ZNF804B: variants seen among roughly 807,000 people sequenced by gnomAD.
ZNF804B encodes the protein zinc finger protein 804B.
ZNF804B carries 80 observed loss-of-function variants against 101.4 expected under a neutral mutation model. The observed-to-expected ratio is 0.79, with a 90% CI of 0.66 to 0.95. The LOEUF is 0.95. ZNF804B is among the 40% of genes least tolerant of loss of function. The pLI is 0.00. For synonymous variants in ZNF804B, 622 were observed against 558.8 expected (o/e 1.11, Z -1.59); for missense variants, 1,673 against 1,561.9 (o/e 1.07, Z -1.20).
rs144025348 is a variant in ZNF804B, at chr7:89,217,531, T to C, written c.109-624T>C. On this transcript the variant is annotated intron_variant, in intron 1 of 3. Transcript: ENST00000333190. ...CACTATTATTCTATAATCAAAGAGATTCTATAATCAAAAGAGGATTTTAAG... is the reference window on the plus strand; with the variant it reads ...CACTATTATTCTATAATCAAAGAGACTCTATAATCAAAAGAGGATTTTAAG... 1.7e-3 allele frequency among the ~76,000 whole-genome samples: 258 copies of C among 152,308 alleles called. 2 individuals carry two copies. Among genetic ancestry groups the C allele is most frequent in the African/African-American group, 5.7e-3 (239 of 41,588 alleles).
chr7:89,236,423 G>C (rs1433051879), intron 2 of ZNF804B, among the ~76,000 whole-genome samples: 2 of 152,052 alleles, frequency 1.3e-5, no homozygotes, highest in Non-Finnish European at 2.9e-5. Context: ...ATTAAAATAA[G>C]AGAAAATAAG....
Position 89,215,611 on chromosome 7 carries a change from C to T in ZNF804B, c.109-2544C>T, listed in dbSNP as rs1042512825. Among the ~76,000 whole-genome samples the T allele has an allele frequency of 6.0e-5, 9 of 151,176 alleles. 1 individual carries two copies. The South Asian group carries it at 8.4e-4, about 14-fold the overall frequency. On this transcript the variant is annotated intron_variant, in intron 1 of 3. Transcript: ENST00000333190. ...AGAAGAACTATGATTAGGCCGGGGGCGGTGGCTCGCGCCTGTAATCCTAGC... is the reference window on the plus strand; with the variant it reads ...AGAAGAACTATGATTAGGCCGGGGGTGGTGGCTCGCGCCTGTAATCCTAGC...
At chr7:88,879,700 AT>A (rs1243593651) in intron 1 of ZNF804B, among the ~76,000 whole-genome samples, 1 of 152,092 alleles carries the variant, frequency 6.6e-6, no homozygotes, top group East Asian at 1.9e-4. Context: ...TGGAAATTCA[AT>A]TTTTAAAGCT....
intron 1 of ZNF804B, among the ~76,000 whole-genome samples, chr7:88,813,546 T>C (rs1409011828): frequency 6.6e-6 from 1 of 152,198 alleles, no homozygotes; most frequent in Non-Finnish European, 1.5e-5. Flanking sequence ...TGTTTTTACA[T>C]GGCATCAATT....
At chr7:88,765,740 G>T (rs896894993) in intron 1 of ZNF804B, among the ~76,000 whole-genome samples, 4 of 152,082 alleles carry the variant, frequency 2.6e-5, no homozygotes, top group Non-Finnish European at 5.9e-5. Context: ...AGCTGAAAAA[G>T]CCTTTTGTAG....
chr7:89,257,480 G>A (rs1003329592), intron 2 of ZNF804B, among the ~76,000 whole-genome samples: 5 of 151,970 alleles, frequency 3.3e-5, no homozygotes, highest in Non-Finnish European at 5.9e-5. Context: ...CCCAGATCAT[G>A]TTGTATTACA....
rs76042747 is a variant in ZNF804B, at chr7:88,797,353, C to T, written c.108+37269C>T. 3.9e-5 allele frequency among the ~76,000 whole-genome samples: 6 copies of T among 152,104 alleles called. No individual in the cohort carries two copies. In the East Asian group the frequency reaches 1.2e-3, roughly 29 times the overall value. Reference sequence around the variant, plus strand: ...TCTAGATTTCTCCACCCCACAAATTCAGCTAAGAGTGTGAAACCATAAGCC... The same window carrying T: ...TCTAGATTTCTCCACCCCACAAATTTAGCTAAGAGTGTGAAACCATAAGCC... On this transcript the variant is annotated intron_variant, in intron 1 of 3. Coordinates refer to ENST00000333190, the MANE Select transcript of ZNF804B (RefSeq NM_181646.5).
chr7:89,019,135 C>G (rs1788618124), intron 1 of ZNF804B, among the ~76,000 whole-genome samples: 1 of 152,126 alleles, frequency 6.6e-6, no homozygotes, highest in Middle Eastern at 3.4e-3. Context: ...AAACTTGCCT[C>G]TTACTACTGC....
At chr7:89,184,422 T>C (rs1285482545) in intron 1 of ZNF804B, among the ~76,000 whole-genome samples, 1 of 152,152 alleles carries the variant, frequency 6.6e-6, no homozygotes, top group Non-Finnish European at 1.5e-5. Context: ...CTCAGCCTTC[T>C]CTTAGAGAAG....
intron 1 of ZNF804B, among the ~76,000 whole-genome samples, chr7:88,995,561 G>A (rs182648091): frequency 2.6e-4 from 39 of 151,906 alleles, no homozygotes; most frequent in African/African-American, 8.9e-4. Context: ...TAAATCCCAA[G>A]CATTCTCACC....
intron 2 of ZNF804B, among the ~76,000 whole-genome samples, chr7:89,277,374 A>T (rs999880854): frequency 1.4e-5 from 2 of 148,080 alleles, no homozygotes; most frequent in African/African-American, 5.0e-5. Context: ...CATGTGCACA[A>T]TGTGCAGGTT....
chr7:89,222,700 C>T (rs916286651), intron 2 of ZNF804B, among the ~76,000 whole-genome samples: 14 of 151,914 alleles, frequency 9.2e-5, no homozygotes, highest in Admixed American at 2.0e-4. Flanking sequence ...TCTTTTTCAA[C>T]ACATACTTCT....
chr7:88,880,698 C>G (rs959976531), intron 1 of ZNF804B, among the ~76,000 whole-genome samples: 1 of 152,042 alleles, frequency 6.6e-6, no homozygotes, highest in African/African-American at 2.4e-5. Flanking sequence ...GCAATTTATA[C>G]ACAATGAGAC....
intron 2 of ZNF804B, among the ~76,000 whole-genome samples, chr7:89,220,047 A>ATATATACGCACATATATATGTG (rs1562920296): frequency 2.6e-5 from 1 of 38,762 alleles, no homozygotes; most frequent in Non-Finnish European, 5.5e-5. Flanking sequence ...ATATATGTGC[A>ATATATACGCACATATATATGTG]TATATACATA....
At chr7:89,277,471 CT>C in intron 2 of ZNF804B, among the ~76,000 whole-genome samples, 18 of 7,490 alleles carry the variant, frequency 2.4e-3, no homozygotes, top group African/African-American at 5.4e-3. Flanking sequence ...AATGCTATCC[CT>C]CCCCCCTCCC....
At chr7:89,148,668 ACTT>A (rs1790825284) in intron 1 of ZNF804B, among the ~76,000 whole-genome samples, 1 of 152,044 alleles carries the variant, frequency 6.6e-6, no homozygotes, top group Non-Finnish European at 1.5e-5. Context: ...ACCCAGGAAA[ACTT>A]CTGCTATTGA....
intron 1 of ZNF804B, among the ~76,000 whole-genome samples, chr7:88,854,527 T>TTTCCCTCCTTCC (rs1791519482): frequency 5.0e-5 from 2 of 40,078 alleles, no homozygotes; most frequent in Non-Finnish European, 9.3e-5. Context: ...CTTTCCTTCC[T>TTTCCCTCCTTCC]TTCCTTCCTT....
At chr7:89,124,901 C>A (rs947925821) in intron 1 of ZNF804B, among the ~76,000 whole-genome samples, 1 of 151,942 alleles carries the variant, frequency 6.6e-6, no homozygotes, top group African/African-American at 2.4e-5. Context: ...AAGAGTCCAT[C>A]CTCTTTTTGT....
In ZNF804B at chr7:89,335,864, T is replaced by A; in HGVS notation, c.2882T>A (p.Val961Asp). The A allele has an allele frequency of 6.2e-7, 1 of 1,614,056 alleles. No individual in the cohort carries two copies. Among genetic ancestry groups the A allele is most frequent in the Non-Finnish European group, 8.5e-7 (1 of 1,179,980 alleles). The change falls in exon 4 of 4, where the codon GTC becomes GAC. Residue 961 changes from valine to aspartate, a missense_variant. Physicochemically the swap from Val to Asp is radical, Grantham distance 152 (BLOSUM62 -3). Transcript: ENST00000333190. ...CKSELEAPSQ[V>D]PCTIQLAPSG... ...AGTGAATTAGAGGCTCCTTCGCAAG[T>A]CCCATGCACAATTCAACTTGCACCA...
Sources: gnomAD v4.1 joint callset for allele counts (sites outside exome capture counted in the v4.1 genomes callset) on GRCh38, gnomAD v4.1.1 for gene constraint, MANE v1.5 for transcripts, NCBI Gene and HGNC (gene_info 2026-07-23, HGNC 2026-07-21) for gene names.